The following OLAH variants were observed in gnomAD, a reference collection of about 807,000 sequenced individuals.
The protein encoded by OLAH is oleoyl-ACP hydrolase, also known as S-acyl fatty acid synthase thioesterase, medium chain.
A neutral mutation model predicts 27.8 loss-of-function variants in OLAH; 33 were observed. The ratio of observed to expected loss-of-function variants is 1.19; its 90% CI spans 0.90 to 1.59. OLAH has a LOEUF of 1.59. Ranked by LOEUF, OLAH falls within the 40% of genes most tolerant of loss-of-function variation. OLAH has a pLI of 0.00. For synonymous variants in OLAH, 120 were observed against 102.9 expected (o/e 1.17, Z -1.01); for missense variants, 359 against 310.8 (o/e 1.16, Z -1.17).
chr10:15,072,958 A>G, intron 7 of OLAH, 129 bp from the exon 8 acceptor site: 1 of 820,446 alleles, frequency 1.2e-6, no homozygotes, highest in South Asian at 1.6e-5. Context: ...CTCCTGCTTC[A>G]TCACCTAGAA....
At chr10:15,034,167 G>T (rs1329641903) in intron 1 of OLAH, among the ~76,000 whole-genome samples, 4 of 146,920 alleles carry the variant, frequency 2.7e-5, no homozygotes. Context: ...AGGCTGGAGT[G>T]CAATGGCAAG....
chr10:15,037,628 A>G (rs1489012862), intron 1 of OLAH, among the ~76,000 whole-genome samples: 1 of 151,724 alleles, frequency 6.6e-6, no homozygotes, highest in Non-Finnish European at 1.5e-5. Flanking sequence ...GGCTGGGCAC[A>G]TCACATCAGA....
intron 6 of OLAH, among the ~76,000 whole-genome samples, chr10:15,069,827 T>C (rs771500679): frequency 2.3e-4 from 35 of 151,980 alleles, no homozygotes; most frequent in Non-Finnish European, 4.1e-4. Flanking sequence ...AATCACGCCA[T>C]TGCACTCAAG....
chr10:15,067,200 C>T (rs1419133337), intron 6 of OLAH, among the ~76,000 whole-genome samples: 2 of 152,186 alleles, frequency 1.3e-5, no homozygotes, highest in African/African-American at 4.8e-5. Flanking sequence ...ATCCAAATCA[C>T]CATGGACATT....
chr10:15,061,917 G>C (rs771654952), intron 4 of OLAH, 55 bp downstream of exon 4: 3 of 1,547,194 alleles, frequency 1.9e-6, no homozygotes, highest in Non-Finnish European at 1.8e-6. Context: ...TCTGAAGTTT[G>C]AGGTTAATGT....
intron 1 of OLAH, chr10:15,032,435 C>T (rs1843772083): frequency 6.8e-6 from 1 of 147,390 alleles, no homozygotes; most frequent in Admixed American, 6.9e-5. Flanking sequence ...CTGACTAATA[C>T]ACCCCATCAC....
intron 4 of OLAH, among the ~76,000 whole-genome samples, chr10:15,064,099 C>T (rs937252225): frequency 3.3e-5 from 5 of 152,030 alleles, no homozygotes; most frequent in East Asian, 1.9e-4. Context: ...TTGAGAACTG[C>T]GGATATATAC....
At chr10:15,050,088 T>C (rs1328826433) in intron 3 of OLAH, among the ~76,000 whole-genome samples, 1 of 152,206 alleles carries the variant, frequency 6.6e-6, no homozygotes, top group East Asian at 1.9e-4. Flanking sequence ...TATTTTCCCT[T>C]TTCTGCTTTT....
At chr10:15,063,449 A>G (rs1363011512) in intron 4 of OLAH, among the ~76,000 whole-genome samples, 1 of 152,222 alleles carries the variant, frequency 6.6e-6, no homozygotes, top group Non-Finnish European at 1.5e-5. Context: ...TTGTTGCTAT[A>G]TATTTCCAAA....
At chr10:15,043,156 A>G (rs528854258), upstream of OLAH, among the ~76,000 whole-genome samples, 22 of 151,750 alleles carry the variant, frequency 1.4e-4, 1 homozygote, top group South Asian at 6.3e-4. Context: ...CACCGCGTCC[A>G]GCCATCCACG....
intron 3 of OLAH, among the ~76,000 whole-genome samples, chr10:15,054,627 T>C (rs532363834): frequency 1.3e-5 from 2 of 152,236 alleles, no homozygotes; most frequent in South Asian, 2.1e-4. Context: ...TTTTGTAATG[T>C]TTTCCCTTCC....
At chr10:15,071,662 A>C in intron 6 of OLAH, 133 bp from the exon 7 acceptor site, 1 of 1,420,508 alleles carries the variant, frequency 7.0e-7, no homozygotes, top group East Asian at 2.5e-5. Context: ...CATTGGTGAA[A>C]AATGTTTTAC....
chr10:15,040,998 C>T (rs1039385778), upstream of OLAH, among the ~76,000 whole-genome samples: 6 of 152,220 alleles, frequency 3.9e-5, no homozygotes, highest in African/African-American at 1.4e-4. Context: ...TCTCACTCTA[C>T]TCCCATGAGG....
At chr10:15,064,720 C>G (rs556172067) in intron 5 of OLAH, among the ~76,000 whole-genome samples, 1 of 152,188 alleles carries the variant, frequency 6.6e-6, no homozygotes, top group Non-Finnish European at 1.5e-5. Context: ...TGCAGTGGCA[C>G]GATCTTGTCT....
Position 15,056,819 on chromosome 10 carries a change from T to G in OLAH, c.164-4905T>G, listed in dbSNP as rs943090696. The G allele has an allele frequency of 2.7e-6, 4 of 1,479,624 alleles. No individual in the cohort carries two copies. In the African/African-American group the frequency reaches 5.7e-5, roughly 21 times the overall value. 91.7% of individuals were successfully genotyped at this position (1,479,624 alleles called of 1,614,324 possible). Reference sequence around the variant, plus strand: ...CTAATTTTATTTTATTTTATTTTTTTGTAGAGACAGCATCTCACCATGTTG... The same window carrying G: ...CTAATTTTATTTTATTTTATTTTTTGGTAGAGACAGCATCTCACCATGTTG... On this transcript the variant is annotated intron_variant, in intron 3 of 7. Coordinates refer to ENST00000378228, the MANE Select transcript of OLAH (RefSeq NM_001039702.3).
At chr10:15,032,307 C>G (rs1843770025) in exon 1 of OLAH, 1 of 152,190 alleles carries the variant, frequency 6.6e-6, no homozygotes, top group East Asian at 1.9e-4. Context: ...TTCCTTGCTC[C>G]TCAGCCTGCA....
chr10:15,060,177 T>C (rs1310133021), intron 3 of OLAH, among the ~76,000 whole-genome samples: 1 of 152,208 alleles, frequency 6.6e-6, no homozygotes, highest in Non-Finnish European at 1.5e-5. Flanking sequence ...ATTTTCTTTT[T>C]TTTTATTTTG....
At chr10:15,068,442 G>A (rs578099013) in intron 6 of OLAH, among the ~76,000 whole-genome samples, 7 of 152,150 alleles carry the variant, frequency 4.6e-5, no homozygotes, top group Non-Finnish European at 8.8e-5. Flanking sequence ...GCCCAGGCTC[G>A]AGTGCAATGG....
intron 1 of OLAH, among the ~76,000 whole-genome samples, chr10:15,038,359 G>A (rs962182408): frequency 6.6e-6 from 1 of 152,188 alleles, no homozygotes; most frequent in African/African-American, 2.4e-5. Context: ...GGCATGATTG[G>A]TTTTGAAATG....
Sources: gnomAD v4.1 joint callset for allele counts (sites outside exome capture counted in the v4.1 genomes callset) on GRCh38, gnomAD v4.1.1 for gene constraint, MANE v1.5 for transcripts, NCBI Gene and HGNC (gene_info 2026-07-23, HGNC 2026-07-21) for gene names.